NR2C1: variants seen among roughly 807,000 people sequenced by gnomAD.
The protein encoded by NR2C1 is TR2 nuclear hormone receptor.
NR2C1 carries 33 observed loss-of-function variants against 74.8 expected under a neutral mutation model. The ratio of observed to expected loss-of-function variants is 0.44; its 90% CI spans 0.33 to 0.59. The LOEUF is 0.59. NR2C1 is among the 20% of genes least tolerant of loss of function. The probability of loss-of-function intolerance (pLI) is 0.02; values close to 1 mark genes in which losing one functional copy is unlikely to be tolerated. For missense variants in NR2C1, 568 were observed against 715.6 expected (o/e 0.79, Z 2.35); for synonymous variants, 225 against 240.6 (o/e 0.94, Z 0.60).
intron 1 of NR2C1, among the ~76,000 whole-genome samples, chr12:95,067,637 C>T (rs1025125017): frequency 1.3e-5 from 2 of 151,426 alleles, no homozygotes; most frequent in Non-Finnish European, 2.9e-5. Flanking sequence ...CATCACGGCT[C>T]ACTGCAGTCT....
intron 9 of NR2C1, 107 bp from the exon 10 acceptor site, chr12:95,040,704 T>A: frequency 2.9e-6 from 3 of 1,036,450 alleles, no homozygotes; most frequent in Admixed American, 2.7e-5. Flanking sequence ...AGCTAATATA[T>A]TCACAAAAAA....
At position 95,025,433 on chromosome 12, in the gene NR2C1, T is replaced by C. The variant is rs150814868; in HGVS notation, c.1532-178A>G. On this transcript the variant is annotated intron_variant, in intron 12 of 13. Coordinates refer to ENST00000333003, the MANE Select transcript of NR2C1 (RefSeq NM_003297.4). ...TAGCACTTTGGGAGGCTGAGGAGGG[T>C]GAATCATCTGAGGTCAGGAGTTCAA... 242 of 423,442 alleles carry C rather than the reference T, an allele frequency of 5.7e-4. 2 individuals are homozygous for C. The highest frequency in any genetic ancestry group is 5.0e-3 in the African/African-American group (238 of 47,748). 26.2% of individuals were successfully genotyped at this position (423,442 alleles called of 1,614,324 possible). A position where few individuals can be genotyped will look rare whatever the true frequency, so the allele number is the denominator to read the frequency against.
intron 1 of NR2C1, among the ~76,000 whole-genome samples, chr12:95,070,381 C>T (rs1027449767): frequency 2.6e-5 from 4 of 152,158 alleles, no homozygotes; most frequent in African/African-American, 7.2e-5. Flanking sequence ...ATCCGCCCAC[C>T]TCAGCCTCAC....
In NR2C1 at chr12:95,029,847, G is replaced by A. The variant is rs572983943; in HGVS notation, c.1394-1323C>T. On this transcript the variant is annotated intron_variant, in intron 11 of 13. Transcript: ENST00000333003. Reference sequence around the variant, plus strand: ...GCTGGGATTACAGGCGTGAGCTACCGCGCCCAACACCCCCCTCCCCACCCT... The same window carrying A: ...GCTGGGATTACAGGCGTGAGCTACCACGCCCAACACCCCCCTCCCCACCCT... Among the ~76,000 whole-genome samples, 171 of 152,068 alleles carry A rather than the reference G, an allele frequency of 1.1e-3. 1 individual carries two copies. Among genetic ancestry groups the A allele is most frequent in the Middle Eastern group, 6.8e-3 (2 of 294 alleles).
At chr12:95,024,837 A>T (rs973689717) in intron 13 of NR2C1, among the ~76,000 whole-genome samples, 1 of 152,202 alleles carries the variant, frequency 6.6e-6, no homozygotes, top group South Asian at 2.1e-4. Flanking sequence ...TCATTATTTT[A>T]TCCAAAGAAA....
intron 1 of NR2C1, among the ~76,000 whole-genome samples, chr12:95,072,139 C>T (rs562563025): frequency 6.7e-6 from 1 of 148,688 alleles, no homozygotes; most frequent in Non-Finnish European, 1.5e-5. Flanking sequence ...ATCGGCCGGG[C>T]GCGGTGGCTC....
chr12:95,035,614 G>A (rs1273284739), intron 10 of NR2C1, among the ~76,000 whole-genome samples: 1 of 152,138 alleles, frequency 6.6e-6, no homozygotes, highest in African/African-American at 2.4e-5. Context: ...AGTGGCAGAT[G>A]AGAAATAACC....
chr12:95,024,482 G>A (rs1234186686), intron 13 of NR2C1, among the ~76,000 whole-genome samples: 1 of 152,188 alleles, frequency 6.6e-6, no homozygotes, highest in Non-Finnish European at 1.5e-5. Flanking sequence ...TTTAAAGAAA[G>A]TGGCTCTTAT....
At chr12:95,055,057 A>G (rs2136168740) in intron 7 of NR2C1, among the ~76,000 whole-genome samples, 1 of 152,298 alleles carries the variant, frequency 6.6e-6, no homozygotes, top group South Asian at 2.1e-4. Flanking sequence ...TGTTTCAGAG[A>G]GCACAGGGTT....
At chr12:95,061,414 T>C (rs574084507) in intron 3 of NR2C1, among the ~76,000 whole-genome samples, 21 of 152,366 alleles carry the variant, frequency 1.4e-4, no homozygotes, top group Non-Finnish European at 2.8e-4. Flanking sequence ...CTGTTCTATA[T>C]GCTCAGTTTT....
chr12:95,029,532 AAAAG>A (rs2136098725), intron 11 of NR2C1, among the ~76,000 whole-genome samples: 1 of 151,824 alleles, frequency 6.6e-6, no homozygotes, highest in Non-Finnish European at 1.5e-5. Flanking sequence ...AACAAACAAA[AAAAG>A]AAAACTCTAA....
intron 7 of NR2C1, among the ~76,000 whole-genome samples, chr12:95,053,473 T>C (rs1375188281): frequency 6.6e-6 from 1 of 152,096 alleles, no homozygotes; most frequent in Non-Finnish European, 1.5e-5. Context: ...CCTAGCAATT[T>C]CTAATTATGA....
chr12:95,069,555 CATT>C (rs1376020051), intron 1 of NR2C1, among the ~76,000 whole-genome samples: 1 of 152,152 alleles, frequency 6.6e-6, no homozygotes, highest in Non-Finnish European at 1.5e-5. Flanking sequence ...TAAGTTATAC[CATT>C]TAGTTTTGTG....
intron 11 of NR2C1, chr12:95,030,418 A>G (rs1250255068): frequency 3.1e-6 from 4 of 1,305,978 alleles, no homozygotes; most frequent in African/African-American, 1.5e-5. Context: ...ATAAAGTTTT[A>G]CAATAAAGAT....
intron 2 of NR2C1, among the ~76,000 whole-genome samples, chr12:95,066,006 G>C (rs1390524999): frequency 1.3e-5 from 2 of 151,008 alleles, no homozygotes; most frequent in East Asian, 1.9e-4. Context: ...TCAAATACTA[G>C]GTCTAATTCA....
chr12:95,053,681 GTTTT>G (rs550069594), intron 7 of NR2C1, among the ~76,000 whole-genome samples: 26 of 103,398 alleles, frequency 2.5e-4, no homozygotes, highest in Non-Finnish European at 4.1e-4. Flanking sequence ...TCTTTTTGGT[GTTTT>G]TTTTTTTTTT....
Position 95,038,733 on chromosome 12 carries a change from A to G in NR2C1, c.1253+1743T>C, listed in dbSNP as rs529927368. ...AGATCACGCTACTGCAATCCAGTAT[A>G]AGTACTTATTTTAAAAATTTTGGTC... is the stretch of plus-strand genomic sequence containing the variant. On this transcript the variant is annotated intron_variant, in intron 10 of 13. Coordinates refer to ENST00000333003, the MANE Select transcript of NR2C1 (RefSeq NM_003297.4). 8.1e-4 allele frequency among the ~76,000 whole-genome samples: 123 copies of G among 152,280 alleles called. 1 individual carries two copies. The highest frequency in any genetic ancestry group is 2.8e-3 in the African/African-American group (118 of 41,570).
intron 5 of NR2C1, 168 bp downstream of exon 5, chr12:95,058,142 T>C: frequency 1.5e-6 from 1 of 652,632 alleles, no homozygotes; most frequent in Non-Finnish European, 2.5e-6. Context: ...CAATAAATAT[T>C]AGTTGAATAA....
chr12:95,060,679 A>G (rs1364562971), intron 3 of NR2C1, among the ~76,000 whole-genome samples: 1 of 152,146 alleles, frequency 6.6e-6, no homozygotes, highest in Non-Finnish European at 1.5e-5. Context: ...ACAAAACAAA[A>G]AACAGCAAAC....
Sources: gnomAD v4.1 joint callset for allele counts (sites outside exome capture counted in the v4.1 genomes callset) on GRCh38, gnomAD v4.1.1 for gene constraint, MANE v1.5 for transcripts, NCBI Gene and HGNC (gene_info 2026-07-23, HGNC 2026-07-21) for gene names.